The following UBA6 variants were observed in gnomAD, a reference collection of about 807,000 sequenced individuals.
UBA6 encodes ubiquitin-like modifier-activating enzyme 6.
UBA6 carries 87 observed loss-of-function variants against 148.3 expected under a neutral mutation model. That is an observed-to-expected ratio of 0.59 (90% confidence interval 0.49 to 0.70). The LOEUF (loss-of-function observed/expected upper bound fraction) is 0.70, where lower values mean the gene tolerates loss of function less well. Among genes scored for constraint, UBA6 ranks in the 30% least tolerant of loss-of-function variants. The pLI, the probability that UBA6 is intolerant of heterozygous loss-of-function variation, is 0.00. For missense variants in UBA6, 1,186 were observed against 1,241.2 expected (o/e 0.96, Z 0.67); for synonymous variants, 376 against 401.0 (o/e 0.94, Z 0.75).
rs75194786 is a variant in UBA6, at chr4:67,640,841, C to G, written c.1554+310G>C. ...ACACTGCCAAATTTGCTACCAAAAC[C>G]TCAAATTAGAAACATATTTCTATAT... On this transcript the variant is annotated intron_variant, in intron 18 of 32. Coordinates refer to ENST00000322244, the MANE Select transcript of UBA6 (RefSeq NM_018227.6). 2.6e-3 allele frequency among the ~76,000 whole-genome samples: 401 copies of G among 152,234 alleles called. 3 individuals carry two copies. The highest frequency in any genetic ancestry group is 9.1e-3 in the African/African-American group (378 of 41,554).
chr4:67,670,505 C>G lies in UBA6; in HGVS notation c.634G>C (p.Glu212Gln). The G allele has an allele frequency of 6.3e-7, 1 of 1,594,290 alleles. No homozygotes were observed. The highest frequency in any genetic ancestry group is 8.6e-7 in the Non-Finnish European group (1 of 1,162,868). The change falls in exon 8 of 33, where the codon GAA (glutamate) becomes CAA (glutamine). Residue 212 changes from glutamate to glutamine, a missense_variant. Coordinates refer to ENST00000322244, the MANE Select transcript of UBA6 (RefSeq NM_018227.6). ...EFEVLDTTGE[E>Q]PKEIFISNIT... is the part of the protein sequence containing the mutation. ...TTTGAAATGAAAATTTCTTTTGGTT[C>G]TTCTCCTGTTGTATCTAAAACTTCA...
intron 26 of UBA6, 144 bp downstream of exon 26, chr4:67,630,322 G>C: frequency 1.5e-6 from 1 of 651,888 alleles, no homozygotes; most frequent in Non-Finnish European, 2.6e-6. Flanking sequence ...CATTATGTTA[G>C]TATGGGTAAA....
chr4:67,627,557 T>C (rs1255441509), intron 27 of UBA6, among the ~76,000 whole-genome samples: 1 of 151,966 alleles, frequency 6.6e-6, no homozygotes, highest in Non-Finnish European at 1.5e-5. Flanking sequence ...GTTTTGCCCT[T>C]GGAAACATGG....
chr4:67,690,115 C>A (rs2627254), intron 2 of UBA6, among the ~76,000 whole-genome samples: 76,055 of 151,740 alleles, frequency 0.5, 19,561 homozygotes, highest in Middle Eastern at 0.61. Flanking sequence ...ATTACAGGAA[C>A]AGACAGTTGA....
chr4:67,637,607 T>C (rs1286734435), intron 19 of UBA6, among the ~76,000 whole-genome samples: 1 of 51,216 alleles, frequency 2.0e-5, no homozygotes, highest in Non-Finnish European at 4.9e-5. Context: ...TCTTCTGCCT[T>C]GGGATGCTGT....
At chr4:67,644,109 A>G (rs1171289738) in intron 17 of UBA6, among the ~76,000 whole-genome samples, 1 of 152,094 alleles carries the variant, frequency 6.6e-6, no homozygotes, top group African/African-American at 2.4e-5. Context: ...TCACCTTGAT[A>G]TATCTATGAA....
intron 7 of UBA6, among the ~76,000 whole-genome samples, chr4:67,672,911 T>C (rs1730184765): frequency 6.6e-6 from 1 of 152,190 alleles, no homozygotes; most frequent in Non-Finnish European, 1.5e-5. Context: ...CATGCAGATA[T>C]CATTCTCTAT....
intron 2 of UBA6, among the ~76,000 whole-genome samples, chr4:67,691,298 C>T (rs981767375): frequency 6.6e-6 from 1 of 151,988 alleles, no homozygotes; most frequent in Non-Finnish European, 1.5e-5. Flanking sequence ...CAAAACTATG[C>T]GTACACTTAC....
intron 4 of UBA6, among the ~76,000 whole-genome samples, chr4:67,678,769 T>C (rs1730352740): frequency 6.6e-6 from 1 of 152,200 alleles, no homozygotes; most frequent in Non-Finnish European, 1.5e-5. Flanking sequence ...CTATTGGTGA[T>C]GGTGAGGTGA....
chr4:67,653,353 G>T (rs1029751066), intron 13 of UBA6, among the ~76,000 whole-genome samples: 1 of 152,154 alleles, frequency 6.6e-6, no homozygotes, highest in African/African-American at 2.4e-5. Flanking sequence ...AGCAATATTT[G>T]CTGTTTTGCA....
In UBA6 at chr4:67,649,160, A is replaced by T. The variant is rs1045624895; in HGVS notation, c.1156T>A (p.Phe386Ile). The change falls in exon 14 of 33, where the codon TTT becomes ATT. Residue 386 changes from phenylalanine to isoleucine, a missense_variant. By Grantham distance (21) the Phe-to-Ile change is conservative. Coordinates refer to ENST00000322244, the MANE Select transcript of UBA6 (RefSeq NM_018227.6). Reference sequence around the variant, plus strand: ...ACTGCTGCAGCAAGTGGAGATAAAAAGCCTTGGGCAGTCCAAGAGAGCCAA... The same window carrying T: ...ACTGCTGCAGCAAGTGGAGATAAAATGCCTTGGGCAGTCCAAGAGAGCCAA... ...VHWLSWTAQG[F>I]LSPLAAAVGG... 1.2e-6 allele frequency: 2 copies of T among 1,613,920 alleles called. No individual in the cohort carries two copies. Among genetic ancestry groups the T allele is most frequent in the Non-Finnish European group, 8.5e-7 (1 of 1,179,890 alleles).
chr4:67,620,548 T>C (rs1251148393), intron 32 of UBA6, among the ~76,000 whole-genome samples: 1 of 152,098 alleles, frequency 6.6e-6, no homozygotes, highest in East Asian at 1.9e-4. Context: ...GGAGCATCAT[T>C]AGAGTGAGTA....
intron 27 of UBA6, 106 bp from the exon 28 acceptor site, chr4:67,626,583 A>T (rs12506872): frequency 0.23 from 161,350 of 707,204 alleles, 19,300 homozygotes; most frequent in Non-Finnish European, 0.25. Flanking sequence ...TTTTCTCTAT[A>T]TATTTTGATC....
At chr4:67,650,833 T>C (rs1261775512) in intron 13 of UBA6, among the ~76,000 whole-genome samples, 1 of 152,128 alleles carries the variant, frequency 6.6e-6, no homozygotes, top group African/African-American at 2.4e-5. Flanking sequence ...TCAAAGAATG[T>C]CATCCTGGGA....
intron 6 of UBA6, 53 bp from the exon 7 acceptor site, chr4:67,673,830 A>G: frequency 7.8e-7 from 1 of 1,279,234 alleles, no homozygotes; most frequent in Non-Finnish European, 1.1e-6. Context: ...TATTTTTTGT[A>G]GTATACAATA....
intron 28 of UBA6, among the ~76,000 whole-genome samples, chr4:67,625,446 G>A (rs925424738): frequency 4.0e-5 from 6 of 149,618 alleles, no homozygotes; most frequent in African/African-American, 1.5e-4. Context: ...AGACGTTTCT[G>A]TATTTAAAAA....
rs200901361 is a variant in UBA6 at position 67,631,736 on chromosome 4, G to A, written c.2230C>T (p.Pro744Ser). The change falls in exon 25 of 33, where the codon CCA (proline) becomes TCA (serine). Residue 744 changes from proline (P) to serine (S), a missense_variant. Coordinates refer to ENST00000322244, the MANE Select transcript of UBA6 (RefSeq NM_018227.6). The stretch of plus-strand genomic sequence containing the variant: ...GGCTCATTTAAATCAAATTTTATTG[G>A]AGAGGGTGGCCTCTTTGGTGACTGC... ...FWQSPKRPPSPIKFDLNEPLH... is the reference protein window; with the variant it reads ...FWQSPKRPPSSIKFDLNEPLH... 7 of 1,610,382 alleles carry A rather than the reference G, an allele frequency of 4.3e-6. No homozygotes were observed. In the African/African-American group the frequency reaches 5.4e-5, roughly 12 times the overall value.
intron 25 of UBA6, among the ~76,000 whole-genome samples, chr4:67,631,228 G>GA (rs1434433455): frequency 6.6e-6 from 1 of 151,988 alleles, no homozygotes; most frequent in Non-Finnish European, 1.5e-5. Context: ...TAAAAAAATA[G>GA]AAAAAATATA....
At chr4:67,691,676 A>G (rs1243709165) in intron 2 of UBA6, among the ~76,000 whole-genome samples, 11 of 152,236 alleles carry the variant, frequency 7.2e-5, no homozygotes, top group Non-Finnish European at 1.6e-4. Context: ...CAAGAAGCTG[A>G]GAAAAGTCAT....
Sources: allele counts gnomAD v4.1 joint callset (sites outside exome capture counted in the v4.1 genomes callset), GRCh38; gene constraint gnomAD v4.1.1; transcripts MANE v1.5; gene names NCBI Gene and HGNC (gene_info 2026-07-23, HGNC 2026-07-21).